Variants in EYS observed in about 807,000 individuals in gnomAD.
The protein encoded by EYS is protein eyes shut homolog.
EYS carries 250 observed loss-of-function variants against 282.1 expected under a neutral mutation model. The observed-to-expected ratio is 0.89, with a 90% CI of 0.80 to 0.98. The LOEUF is 0.98. Ranked by LOEUF, EYS falls within the 50% of genes least tolerant of loss-of-function variation. EYS has a pLI of 0.00. For missense variants in EYS, 4,016 were observed against 3,709.0 expected, an observed-to-expected ratio of 1.08 and a Z score of -2.15; for synonymous variants, 1,355 against 1,282.9, an observed-to-expected ratio of 1.06 and a Z score of -1.20.
chr6:64,846,883 C>T (rs1765732305), intron 19 of EYS, among the ~76,000 whole-genome samples: 1 of 152,040 alleles, frequency 6.6e-6, no homozygotes, highest in South Asian at 2.1e-4. Context: ...TGCATGTGTT[C>T]ACTTGACTGG....
Position 65,641,628 on chromosome 6 carries a change from C to T in EYS, c.-447-1736G>A, listed in dbSNP as rs1219352287. ...CAGTGGTAGTGCTCACATGGTTGAA[C>T]TTTGTCTGTACTGCGTACTGTTTTA... On this transcript the variant is annotated intron_variant, in intron 1 of 42. Coordinates refer to ENST00000503581, the MANE Select transcript of EYS (RefSeq NM_001142800.2). Among the ~76,000 whole-genome samples, 4 of 152,312 alleles carry T rather than the reference C, an allele frequency of 2.6e-5. No individual in the cohort carries two copies. The East Asian group carries it at 5.8e-4, about 22-fold the overall frequency.
chr6:64,893,683 G>C (rs1767361616), intron 18 of EYS, among the ~76,000 whole-genome samples: 1 of 151,862 alleles, frequency 6.6e-6, no homozygotes, highest in African/African-American at 2.4e-5. Context: ...AATTTTCTAA[G>C]AATAGAATAA....
chr6:65,661,848 G>C (rs1352315086), intron 1 of EYS, among the ~76,000 whole-genome samples: 1 of 152,082 alleles, frequency 6.6e-6, no homozygotes, highest in Non-Finnish European at 1.5e-5. Context: ...GCTATTCTTG[G>C]AAAATGCATA....
chr6:65,057,471 T>A (rs1037261769), intron 13 of EYS, 143 bp downstream of exon 13: 1 of 666,460 alleles, frequency 1.5e-6, no homozygotes, highest in Non-Finnish European at 2.7e-6. Context: ...AAGGAATAAT[T>A]GGTTGGTCAC....
chr6:63,720,598 A>G lies in EYS; in HGVS notation c.9433T>C (p.Ter3145GlnextTer12). ...YDGDEQNEVT[*>Q] ...GTACTAAAATCTCTAGTGTTAACTT[A>G]TGTAACCTCATTTTGTTCATCTCCA... is the stretch of plus-strand genomic sequence containing the variant. Residue 3145 changes from the stop codon to glutamine (Q), a stop_lost, in exon 43 of 43, where the codon TAA becomes CAA. Coordinates refer to ENST00000503581, the MANE Select transcript of EYS (RefSeq NM_001142800.2). 6.8e-7 allele frequency: 1 copy of G among 1,470,960 alleles called. No individual in the cohort carries two copies. The allele number at this position is 1,470,960 out of a possible 1,614,324, so 91.1% of individuals were successfully genotyped here.
intron 35 of EYS, among the ~76,000 whole-genome samples, chr6:63,870,107 A>G (rs1390308921): frequency 6.6e-6 from 1 of 152,198 alleles, no homozygotes; most frequent in East Asian, 1.9e-4. Flanking sequence ...TGGAGCTCTC[A>G]GGTAATTTCC....
At chr6:64,530,573 C>T (rs9451903) in intron 26 of EYS, among the ~76,000 whole-genome samples, 63,145 of 151,648 alleles carry the variant, frequency 0.42, 13,680 homozygotes, top group African/African-American at 0.56. Flanking sequence ...CATGATATTA[C>T]TGTGAGGTTT....
intron 35 of EYS, among the ~76,000 whole-genome samples, chr6:63,937,395 T>TTG (rs1765098910): frequency 1.8e-5 from 2 of 109,612 alleles, no homozygotes; most frequent in African/African-American, 7.6e-5. Flanking sequence ...TTTTTTTTTT[T>TTG]TTTGAGACGG....
chr6:64,676,351 TAGAG>T (rs763594847), intron 22 of EYS, among the ~76,000 whole-genome samples: 1 of 145,462 alleles, frequency 6.9e-6, no homozygotes, highest in Admixed American at 7.0e-5. Flanking sequence ...TATATATATA[TAGAG>T]AGAGAGAGGG....
At chr6:64,239,217 T>C (rs372811752) in intron 30 of EYS, among the ~76,000 whole-genome samples, 194 of 152,314 alleles carry the variant, frequency 1.3e-3, no homozygotes, top group African/African-American at 4.4e-3. Context: ...TAAACATACA[T>C]GTGCATGTGT....
intron 1 of EYS, among the ~76,000 whole-genome samples, chr6:65,646,104 G>C (rs1196791178): frequency 6.6e-6 from 1 of 152,112 alleles, no homozygotes; most frequent in African/African-American, 2.4e-5. Flanking sequence ...GACATTCAAA[G>C]AAGAATTCAA....
intron 22 of EYS, among the ~76,000 whole-genome samples, chr6:64,798,607 GT>G (rs57597318): frequency 0.061 from 6,533 of 106,770 alleles, 134 homozygotes; most frequent in African/African-American, 0.13. Flanking sequence ...TTTGTTTCTG[GT>G]TTTTTTTTTT....
chr6:65,213,893 G>A (rs1411138414), intron 12 of EYS, among the ~76,000 whole-genome samples: 1 of 152,018 alleles, frequency 6.6e-6, no homozygotes, highest in Non-Finnish European at 1.5e-5. Context: ...GGGCGTGGTG[G>A]CTCACGCCTG....
intron 22 of EYS, among the ~76,000 whole-genome samples, chr6:64,807,918 A>C (rs774568288): frequency 1.3e-5 from 2 of 152,014 alleles, no homozygotes; most frequent in African/African-American, 2.4e-5. Flanking sequence ...TCAGTGGTTC[A>C]TTCATTTTAC....
intron 26 of EYS, among the ~76,000 whole-genome samples, chr6:64,552,076 C>A (rs879703446): frequency 7.9e-5 from 12 of 152,144 alleles, no homozygotes; most frequent in Non-Finnish European, 1.3e-4. Flanking sequence ...GGCCATCAGC[C>A]AAGTGCATTC....
rs1477624108 is a variant in EYS, at chr6:65,565,178, G to A, written c.-332-69185C>T. ...GAGAATGGCGTGAACCCGGGAGGCG[G>A]AGCTTGCAGTGAGCCGAGATCCCGC... is the stretch of plus-strand genomic sequence containing the variant. On this transcript the variant is annotated intron_variant, in intron 2 of 42. Coordinates refer to ENST00000503581, the MANE Select transcript of EYS (RefSeq NM_001142800.2). Among the ~76,000 whole-genome samples the A allele has an allele frequency of 9.1e-5, 4 of 44,132 alleles. 1 individual carries two copies. The highest frequency in any genetic ancestry group is 4.6e-4 in the African/African-American group (2 of 4,374). The allele number at this position is 44,132 out of a possible 152,430, so 29.0% of individuals were successfully genotyped here.
At chr6:63,931,518 C>G (rs1009177812) in intron 35 of EYS, among the ~76,000 whole-genome samples, 4 of 152,222 alleles carry the variant, frequency 2.6e-5, no homozygotes, top group Non-Finnish European at 5.9e-5. Context: ...TGCTTTCTTG[C>G]TCTGCCTTCC....
At chr6:65,229,880 T>C (rs1766723865) in intron 12 of EYS, among the ~76,000 whole-genome samples, 1 of 151,934 alleles carries the variant, frequency 6.6e-6, no homozygotes, top group Admixed American at 6.6e-5. Context: ...TTTTGTGTAA[T>C]TGCCCAGTTG....
intron 31 of EYS, among the ~76,000 whole-genome samples, chr6:64,192,951 G>A (rs1244973890): frequency 6.6e-6 from 1 of 152,092 alleles, no homozygotes; most frequent in East Asian, 1.9e-4. Context: ...GAGTTTGTTT[G>A]TACTCTAGGC....
Sources: gnomAD v4.1 joint callset for allele counts (sites outside exome capture counted in the v4.1 genomes callset) on GRCh38, gnomAD v4.1.1 for gene constraint, MANE v1.5 for transcripts, NCBI Gene and HGNC (gene_info 2026-07-23, HGNC 2026-07-21) for gene names.